Variants in UCMA observed in about 807,000 individuals in gnomAD.
UCMA encodes the protein upper zone of growth plate and cartilage matrix-associated protein.
A neutral mutation model predicts 21.8 loss-of-function variants in UCMA; 21 were observed. That is an observed-to-expected ratio of 0.97 (90% confidence interval 0.68 to 1.39). The LOEUF (loss-of-function observed/expected upper bound fraction) is 1.39. Ranked by LOEUF, UCMA falls within the 40% of genes most tolerant of loss-of-function variation. The probability of loss-of-function intolerance (pLI) is 0.00; values close to 1 mark genes in which losing one functional copy is unlikely to be tolerated. For synonymous variants in UCMA, 76 were observed against 67.9 expected (o/e 1.12, Z -0.58); for missense variants, 193 against 178.9 (o/e 1.08, Z -0.45).
chr10:13,225,312 G>A (rs1043576107), intron 4 of UCMA, among the ~76,000 whole-genome samples: 3 of 148,048 alleles, frequency 2.0e-5, no homozygotes, highest in Admixed American at 1.4e-4. Context: ...GTCCCAGTGG[G>A]CATTCCTTTT....
rs554091899 is a variant in UCMA, at chr10:13,222,121, G to T, written c.399C>A (p.Tyr133Ter). The T allele has an allele frequency of 1.0e-4, 167 of 1,614,184 alleles. 3 individuals are homozygous for T. In the South Asian group the frequency reaches 1.7e-3, roughly 16 times the overall value. Residue 133 changes from tyrosine to a stop codon, truncating the protein, a stop_gained, in exon 5 of 5, where the codon TAC becomes TAA. Coordinates refer to ENST00000378681, the MANE Select transcript of UCMA (RefSeq NM_145314.3). LOFTEE classifies it high-confidence loss of function. ...HYDGLHPSYLYNRHHT is the reference protein window; with the variant it reads ...HYDGLHPSYL Reference sequence around the variant, plus strand: ...GATGGGATCAGGTGTGGTGGCGGTTGTAGAGATAGGATGGGTGCAGGCCGT... The same window carrying T: ...GATGGGATCAGGTGTGGTGGCGGTTTTAGAGATAGGATGGGTGCAGGCCGT...
rs747767362 is a variant in UCMA at position 13,233,516 on chromosome 10, G to C, written c.220+22C>G. ...GCAGAGGTGGTGATGGACGCGGGAT[G>C]GGGTCCCTCCAGCATCCTTACCATT... is the stretch of plus-strand genomic sequence containing the variant. On this transcript the variant is annotated intron_variant, in intron 3 of 4. Coordinates refer to ENST00000378681, the MANE Select transcript of UCMA (RefSeq NM_145314.3). The C allele has an allele frequency of 1.2e-5, 19 of 1,601,654 alleles. No homozygotes were observed. In the Admixed American group the frequency reaches 3.2e-4, roughly 27 times the overall value.
chr10:13,225,697 G>A (rs1220778327), intron 4 of UCMA, among the ~76,000 whole-genome samples: 2 of 149,618 alleles, frequency 1.3e-5, no homozygotes, highest in Non-Finnish European at 3.0e-5. Context: ...AAAAGAATAG[G>A]TGACTTGGTT....
intron 4 of UCMA, among the ~76,000 whole-genome samples, chr10:13,227,239 A>G (rs571570122): frequency 3.9e-5 from 6 of 152,134 alleles, no homozygotes; most frequent in African/African-American, 1.4e-4. Context: ...TCACTAGGAG[A>G]TGCCTTCCGA....
At chr10:13,228,418 TA>T (rs1376833921) in intron 4 of UCMA, among the ~76,000 whole-genome samples, 2 of 152,134 alleles carry the variant, frequency 1.3e-5, no homozygotes, top group Non-Finnish European at 2.9e-5. Context: ...AGGAGAAGCA[TA>T]AAGCCACAAG....
rs374385294 is a variant in UCMA, at chr10:13,233,594, G to C, written c.164C>G (p.Ser55Trp). The C allele has an allele frequency of 6.2e-7, 1 of 1,613,944 alleles. No individual in the cohort carries two copies. The highest frequency in any genetic ancestry group is 8.5e-7 in the Non-Finnish European group (1 of 1,180,042). ...QKIFMQESDA[S>W]NFLKRRGKRS... ...CTTGCCGCGCCTCTTGAGGAAATTC[G>C]AGGCATCTGATTCCTGCATGAAAAT... is the stretch of plus-strand genomic sequence containing the variant. The change falls in exon 3 of 5, where the codon TCG (serine) becomes TGG (tryptophan). Residue 55 changes from serine (S) to tryptophan (W), a missense_variant. Coordinates refer to ENST00000378681, the MANE Select transcript of UCMA (RefSeq NM_145314.3).
chr10:13,231,111 A>T (rs935087995), intron 3 of UCMA, among the ~76,000 whole-genome samples: 4 of 152,110 alleles, frequency 2.6e-5, no homozygotes, highest in Non-Finnish European at 5.9e-5. Context: ...GCTTACCTTA[A>T]TTAATGAATT....
Position 13,221,829 on chromosome 10 carries a change from C to A in UCMA, c.*274G>T. The A allele has an allele frequency of 2.2e-6, 1 of 444,702 alleles. No homozygotes were observed. The highest frequency in any genetic ancestry group is 4.0e-5 in the East Asian group (1 of 25,264). The allele number at this position is 444,702 out of a possible 1,614,324, so 27.5% of individuals were successfully genotyped here. ...ATGTGATTCTTGACTGATTCTTTTG[C>A]TTGGGAACGAAGCCAGGGGAAGCCA... is the stretch of plus-strand genomic sequence containing the variant. On this transcript the variant is annotated 3_prime_UTR_variant, in exon 5 of 5. Transcript: ENST00000378681.
At chr10:13,222,818 T>TGC (rs151061864) in intron 4 of UCMA, among the ~76,000 whole-genome samples, 9,135 of 151,832 alleles carry the variant, frequency 0.06, 388 homozygotes, top group Middle Eastern at 0.13. Context: ...CAGCCTCCTT[T>TGC]CACCATGCCT....
chr10:13,222,205 G>A lies in UCMA; in HGVS notation c.320-5C>T. On this transcript the variant is annotated splice_region_variant and splice_polypyrimidine_tract_variant and intron_variant, in intron 4 of 4. Coordinates refer to ENST00000378681, the MANE Select transcript of UCMA (RefSeq NM_145314.3). ...CCCGGCTCCTCTCTTCCTGCTCTGG[G>A]GAGGAAAGACAAAGCCACCTGTTAG... The A allele has an allele frequency of 1.2e-6, 2 of 1,613,390 alleles. No homozygotes were observed. The highest frequency in any genetic ancestry group is 1.7e-6 in the Non-Finnish European group (2 of 1,179,886).
At position 13,224,427 on chromosome 10, in the gene UCMA, GGAAGAAAGAA is replaced by G; in HGVS notation, c.320-2237_320-2228del. ...AAAGAGAAAGAAAAAGAAAGGAAAA[GGAAGAAAGAA>G]AGAAGAGTTTAAATGGCAAGTTTTA... On this transcript the variant is annotated intron_variant, in intron 4 of 4. Coordinates refer to ENST00000378681, the MANE Select transcript of UCMA (RefSeq NM_145314.3). Among the ~76,000 whole-genome samples, 5 of 150,418 alleles carry G rather than the reference GGAAGAAAGAA, an allele frequency of 3.3e-5. 2 individuals are homozygous for G. Among genetic ancestry groups the G allele is most frequent in the African/African-American group, 1.3e-4 (5 of 39,932 alleles).
chr10:13,233,884 C>T, intron 1 of UCMA, 84 bp from the exon 2 acceptor site: 1 of 1,545,282 alleles, frequency 6.5e-7, no homozygotes, highest in Non-Finnish European at 8.8e-7. Flanking sequence ...TCTTTCCAGG[C>T]TAAGCGTCCT....
rs1308753090 is a variant in UCMA, at chr10:13,234,302, C to T, written c.-44G>A. On this transcript the variant is annotated 5_prime_UTR_variant, in exon 1 of 5. Transcript: ENST00000378681. ...TCCGTCCAGGACCCACAAGGCAGAC[C>T]AGGCGTCCTGCACCCTTTGGGTCCC... The T allele has an allele frequency of 1.2e-6, 2 of 1,604,164 alleles. No individual in the cohort carries two copies. The highest frequency in any genetic ancestry group is 1.7e-6 in the Non-Finnish European group (2 of 1,175,590).
Position 13,233,714 on chromosome 10 carries a change from G to A in UCMA, c.124+21C>T, listed in dbSNP as rs369636361. Reference sequence around the variant, plus strand: ...TCGCTGGCTGCACCTGCCCTGCCCCGTGGGTGGCCCCTGCACTCACCTTCA... The same window carrying A: ...TCGCTGGCTGCACCTGCCCTGCCCCATGGGTGGCCCCTGCACTCACCTTCA... On this transcript the variant is annotated intron_variant, in intron 2 of 4. Transcript: ENST00000378681. 1.1e-5 allele frequency: 17 copies of A among 1,613,914 alleles called. No homozygotes were observed. The Admixed American group carries it at 1.2e-4, about 11-fold the overall frequency.
chr10:13,225,349 C>G (rs1418177802), intron 4 of UCMA, among the ~76,000 whole-genome samples: 1 of 143,226 alleles, frequency 7.0e-6, no homozygotes, highest in African/African-American at 2.6e-5. Context: ...GGGGAGATGT[C>G]GAATATCCAA....
intron 4 of UCMA, among the ~76,000 whole-genome samples, chr10:13,227,212 C>G (rs940971035): frequency 6.6e-6 from 1 of 152,170 alleles, no homozygotes; most frequent in Non-Finnish European, 1.5e-5. Flanking sequence ...GCACCTGACC[C>G]AGGGGTGGTT....
Position 13,221,872 on chromosome 10 carries a change from G to A in UCMA, c.*231C>T, listed in dbSNP as rs2131600309. ...GGAAGCCACTGTAGGTTTGGTACTA[G>A]GAGGCCCTGCAGGCAGTTGCTCACC... On this transcript the variant is annotated 3_prime_UTR_variant, in exon 5 of 5. Transcript: ENST00000378681. The A allele has an allele frequency of 1.8e-6, 1 of 554,680 alleles. No individual in the cohort carries two copies. Among genetic ancestry groups the A allele is most frequent in the East Asian group, 3.1e-5 (1 of 32,708 alleles). 34.4% of individuals were successfully genotyped at this position (554,680 alleles called of 1,614,324 possible).
At chr10:13,231,779 C>G (rs1474934703) in intron 3 of UCMA, among the ~76,000 whole-genome samples, 1 of 152,198 alleles carries the variant, frequency 6.6e-6, no homozygotes, top group Non-Finnish European at 1.5e-5. Flanking sequence ...TCTTTTCACC[C>G]TAAAGTAACT....
At chr10:13,231,428 C>G (rs1042406273) in intron 3 of UCMA, among the ~76,000 whole-genome samples, 1 of 152,108 alleles carries the variant, frequency 6.6e-6, no homozygotes, top group South Asian at 2.1e-4. Context: ...ACCAGGTTCC[C>G]ACACGCCACT....
Sources: gnomAD v4.1 joint callset for allele counts (sites outside exome capture counted in the v4.1 genomes callset) on GRCh38, gnomAD v4.1.1 for gene constraint, MANE v1.5 for transcripts, NCBI Gene and HGNC (gene_info 2026-07-23, HGNC 2026-07-21) for gene names.